Variants in GEN1 observed in about 807,000 individuals in gnomAD.
The protein encoded by GEN1 is GEN1 structure-specific endonuclease.
In GEN1, 64 loss-of-function variants were observed where a neutral mutation model predicts 67.6. The observed-to-expected ratio is 0.95, with a 90% confidence interval of 0.77 to 1.17. The LOEUF is 1.17. Ranked by LOEUF, GEN1 falls within the 50% of genes most tolerant of loss-of-function variation. The pLI, the probability that GEN1 is intolerant of heterozygous loss-of-function variation, is 0.00. For synonymous variants in GEN1, 371 were observed against 359.4 expected (o/e 1.03, Z -0.37); for missense variants, 1,058 against 1,048.3 (o/e 1.01, Z -0.13).
intron 2 of GEN1, 91 bp from the exon 3 acceptor site, chr2:17,761,305 C>G: frequency 1.5e-6 from 1 of 651,672 alleles, no homozygotes; most frequent in Non-Finnish European, 2.6e-6. Flanking sequence ...GTTTTTGATA[C>G]TAGTCTAATG....
At chr2:17,777,237 T>C (rs1040290592) in intron 11 of GEN1, among the ~76,000 whole-genome samples, 1 of 152,138 alleles carries the variant, frequency 6.6e-6, no homozygotes, top group Admixed American at 6.5e-5. Flanking sequence ...AGCCCAGGAA[T>C]TGATTAAAAC....
In GEN1 at chr2:17,785,994, T is replaced by C. The variant is rs1465655392; in HGVS notation, c.*4055T>C. Reference sequence around the variant, plus strand: ...CTTTTGGGTAGCATGGCTTGAGCCATCTTGTCAGGCATACCTAGCTTCAGA... The same window carrying C: ...CTTTTGGGTAGCATGGCTTGAGCCACCTTGTCAGGCATACCTAGCTTCAGA... On this transcript the variant is annotated 3_prime_UTR_variant, in exon 14 of 14. Transcript: ENST00000381254. 1 of 152,240 alleles carries C rather than the reference T, an allele frequency of 6.6e-6. No individual in the cohort carries two copies. 9.4% of individuals were successfully genotyped at this position (152,240 alleles called of 1,614,324 possible).
At chr2:17,770,905 T>C (rs370549550) in intron 6 of GEN1, among the ~76,000 whole-genome samples, 1 of 151,686 alleles carries the variant, frequency 6.6e-6, no homozygotes, top group South Asian at 2.1e-4. Flanking sequence ...TGGATATATA[T>C]ATACATACAT....
rs766427481 is a variant in GEN1, at chr2:17,781,095, T to A, written c.1883T>A (p.Ile628Asn). 2.6e-5 allele frequency: 42 copies of A among 1,613,676 alleles called. No homozygotes were observed. Among genetic ancestry groups the A allele is most frequent in the Non-Finnish European group, 3.6e-5 (42 of 1,179,640 alleles). The change falls in exon 14 of 14, where the codon ATC (isoleucine) becomes AAC (asparagine). Residue 628 changes from isoleucine (I) to asparagine (N), a missense_variant. Transcript: ENST00000381254. ...GCCATCCCTGATGGCTTTGAAAATA[T>A]CCCAGAACAACTGTCCTGTGAATCA... is the stretch of plus-strand genomic sequence containing the variant. ...LSAIPDGFEN[I>N]PEQLSCESER...
intron 7 of GEN1, among the ~76,000 whole-genome samples, chr2:17,772,038 A>G (rs1672214827): frequency 6.6e-6 from 1 of 152,058 alleles, no homozygotes; most frequent in South Asian, 2.1e-4. Flanking sequence ...CATATCAAGT[A>G]TATGTGCTCT....
chr2:17,769,613 A>T (rs1025124336), intron 6 of GEN1, among the ~76,000 whole-genome samples: 8 of 152,224 alleles, frequency 5.3e-5, no homozygotes, highest in African/African-American at 1.9e-4. Flanking sequence ...AATAAGCAAC[A>T]TTAATTGAAA....
At chr2:17,772,229 TAAAG>T (rs1352285885) in intron 7 of GEN1, among the ~76,000 whole-genome samples, 2 of 152,094 alleles carry the variant, frequency 1.3e-5, no homozygotes, top group African/African-American at 2.4e-5. Context: ...ATACACTCGT[TAAAG>T]AAACTATTCT....
chr2:17,764,974 C>G lies in GEN1; in HGVS notation c.426C>G (p.Leu142=). ...AGEAEAMCAY[L]NAGGHVDGCL... ...AAGCTGAAGCCATGTGTGCTTATCT[C>G]AATGCTGGTGGTCATGTCGATGGCT... The change falls in exon 4 of 14, where the codon CTC becomes CTG. Residue 142 remains leucine (L), a synonymous_variant. Transcript: ENST00000381254. 6.2e-7 allele frequency: 1 copy of G among 1,614,108 alleles called. No individual in the cohort carries two copies. The highest frequency in any genetic ancestry group is 8.5e-7 in the Non-Finnish European group (1 of 1,180,010).
In GEN1 at chr2:17,781,955, G is replaced by A; in HGVS notation, c.*16G>A. ...AAGCACTTGAAATTTAAAACACTTA[G>A]GTATAACTTAACTATTTTAGTACTA... On this transcript the variant is annotated 3_prime_UTR_variant, in exon 14 of 14. Transcript: ENST00000381254. 1 of 1,375,690 alleles carries A rather than the reference G, an allele frequency of 7.3e-7. No homozygotes were observed. Among genetic ancestry groups the A allele is most frequent in the Non-Finnish European group, 1.0e-6 (1 of 1,004,144 alleles). The allele number at this position is 1,375,690 out of a possible 1,614,324, so 85.2% of individuals were successfully genotyped here.
intron 6 of GEN1, among the ~76,000 whole-genome samples, chr2:17,769,500 G>A (rs1461729195): frequency 6.6e-6 from 1 of 152,018 alleles, no homozygotes; most frequent in Non-Finnish European, 1.5e-5. Context: ...TTTACCAAAA[G>A]GTAAAGATAA....
At chr2:17,776,854 G>A (rs953769866) in intron 11 of GEN1, among the ~76,000 whole-genome samples, 5 of 152,314 alleles carry the variant, frequency 3.3e-5, no homozygotes, top group Middle Eastern at 3.4e-3. Flanking sequence ...AGGGCTGGGC[G>A]TGGTGGTTTA....
At chr2:17,775,688 A>G (rs531141767) in intron 11 of GEN1, among the ~76,000 whole-genome samples, 1 of 152,366 alleles carries the variant, frequency 6.6e-6, no homozygotes, top group East Asian at 1.9e-4. Context: ...ATTACAAAGG[A>G]AAAATGGTAT....
Position 17,781,432 on chromosome 2 carries a change from A to C in GEN1, c.2220A>C (p.Gly740=). The C allele has an allele frequency of 6.2e-7, 1 of 1,613,670 alleles. No individual in the cohort carries two copies. Among genetic ancestry groups the C allele is most frequent in the African/African-American group, 1.3e-5 (1 of 75,044 alleles). The change falls in exon 14 of 14, where the codon GGA becomes GGC. Residue 740 remains glycine (G), a synonymous_variant. Transcript: ENST00000381254. ...NESRDSKILK[G]DQLLQEDYKV... ...CCAGAGACTCTAAAATTCTAAAAGG[A>C]GACCAGCTGCTTCAAGAAGACTATA...
At chr2:17,754,918 T>C (rs563879322) in intron 1 of GEN1, 118 of 152,346 alleles carry the variant, frequency 7.7e-4, no homozygotes, top group African/African-American at 2.8e-3. Flanking sequence ...CTTCAGTCTT[T>C]ACACAACCCT....
At chr2:17,767,716 GT>G (rs1558400947) in intron 5 of GEN1, among the ~76,000 whole-genome samples, 1 of 152,170 alleles carries the variant, frequency 6.6e-6, no homozygotes, top group East Asian at 1.9e-4. Context: ...TTTAGCTACA[GT>G]GGTATTTAAA....
Position 17,786,403 on chromosome 2 carries a change from T to A in GEN1, c.*4464T>A, listed in dbSNP as rs969321141. On this transcript the variant is annotated 3_prime_UTR_variant, in exon 14 of 14. Coordinates refer to ENST00000381254, the MANE Select transcript of GEN1 (RefSeq NM_001130009.3). ...TAGCATCACACAAGGGATCCTAACG[T>A]GGCATTTGAGCTACTGGAAAAAAAT... The A allele has an allele frequency of 2.6e-5, 4 of 152,208 alleles. No individual in the cohort carries two copies. Among genetic ancestry groups the A allele is most frequent in the Admixed American group, 6.5e-5 (1 of 15,286 alleles). The allele number at this position is 152,208 out of a possible 1,614,324, so 9.4% of individuals were successfully genotyped here. A position where few individuals can be genotyped will look rare whatever the true frequency, so the allele number is the denominator to read the frequency against.
In GEN1 at chr2:17,765,181, G is replaced by C. The variant is rs72768649; in HGVS notation, c.525+108G>C. On this transcript the variant is annotated intron_variant, in intron 4 of 13. Coordinates refer to ENST00000381254, the MANE Select transcript of GEN1 (RefSeq NM_001130009.3). ...AAATGCTTACTGTAATGCCTTGCACGTAGCAATTGCTAATTAAAATGCTTA... is the reference window on the plus strand; with the variant it reads ...AAATGCTTACTGTAATGCCTTGCACCTAGCAATTGCTAATTAAAATGCTTA... 3.3e-3 allele frequency: 3,150 copies of C among 949,084 alleles called. 6 individuals carry two copies. The highest frequency in any genetic ancestry group is 4.4e-3 in the Non-Finnish European group (2,746 of 627,828). The allele number at this position is 949,084 out of a possible 1,614,324, so 58.8% of individuals were successfully genotyped here.
At chr2:17,757,278 CCT>C (rs964886251) in intron 1 of GEN1, among the ~76,000 whole-genome samples, 12 of 150,670 alleles carry the variant, frequency 8.0e-5, no homozygotes, top group Admixed American at 2.6e-4. Flanking sequence ...ATGGCTGCCC[CCT>C]GTTAATAATA....
chr2:17,772,976 G>C (rs1672264191), intron 8 of GEN1, 120 bp from the exon 9 acceptor site: 1 of 803,830 alleles, frequency 1.2e-6, no homozygotes, highest in Non-Finnish European at 2.0e-6. Context: ...AGGGAAGCTT[G>C]ACTGTTTGGG....
Sources: allele counts gnomAD v4.1 joint callset (sites outside exome capture counted in the v4.1 genomes callset), GRCh38; gene constraint gnomAD v4.1.1; transcripts MANE v1.5; gene names NCBI Gene and HGNC (gene_info 2026-07-23, HGNC 2026-07-21).